Variants in STAU2 observed in about 807,000 individuals in gnomAD.
STAU2 encodes staufen double-stranded RNA binding protein 2, also known as double-stranded RNA-binding protein Staufen homolog 2.
In STAU2, 20 loss-of-function variants were observed where a neutral mutation model predicts 65.9. That is an observed-to-expected ratio of 0.30 (90% CI 0.21 to 0.44). STAU2 has a LOEUF of 0.44. Ranked by LOEUF, STAU2 falls within the 20% of genes least tolerant of loss-of-function variation. STAU2 has a pLI of 1.00. For missense variants in STAU2, 558 were observed against 683.9 expected, an observed-to-expected ratio of 0.82 and a Z score of 2.05; for synonymous variants, 232 against 233.9, an observed-to-expected ratio of 0.99 and a Z score of 0.07.
In STAU2 at chr8:73,613,954, A is replaced by G. The variant is rs764468649; in HGVS notation, c.681T>C (p.Val227=). The G allele has an allele frequency of 1.2e-6, 2 of 1,601,546 alleles. No homozygotes were observed. Among genetic ancestry groups the G allele is most frequent in the Admixed American group, 3.5e-5 (2 of 57,880 alleles). Reference sequence around the variant, plus strand: ...TATGTGGTGGTCCACTTTCTTTAATAACCTATTAAATACAAGTAAAATATT... The same window carrying G: ...TATGTGGTGGTCCACTTTCTTTAATGACCTATTAAATACAAGTAAAATATT... The part of the protein sequence containing the change: ...LKRNMPVSFE[V]IKESGPPHMK... Residue 227 remains valine (V), a splice_region_variant and synonymous_variant, in exon 9 of 15, where the codon GTT becomes GTC. Coordinates refer to ENST00000524300, the MANE Select transcript of STAU2 (RefSeq NM_001164380.2).
intron 3 of STAU2, among the ~76,000 whole-genome samples, chr8:73,735,420 T>A (rs1487900074): frequency 1.1e-4 from 17 of 152,206 alleles, no homozygotes; most frequent in Non-Finnish European, 2.9e-5. Flanking sequence ...GTCTCTTAAA[T>A]TGTTCTAGGA....
At chr8:73,715,656 C>T (rs1821203862) in intron 3 of STAU2, among the ~76,000 whole-genome samples, 2 of 151,842 alleles carry the variant, frequency 1.3e-5, no homozygotes, top group Admixed American at 1.3e-4. Flanking sequence ...TTCAATTGTA[C>T]CTATCTTTAA....
At chr8:73,621,725 T>C (rs990315113) in intron 6 of STAU2, among the ~76,000 whole-genome samples, 1 of 152,184 alleles carries the variant, frequency 6.6e-6, no homozygotes, top group East Asian at 1.9e-4. Flanking sequence ...TTATCTTCCA[T>C]GCTTGTTAAA....
intron 13 of STAU2, among the ~76,000 whole-genome samples, chr8:73,502,542 T>C (rs1196600082): frequency 2.6e-5 from 4 of 152,056 alleles, no homozygotes; most frequent in Non-Finnish European, 5.9e-5. Flanking sequence ...GCCTCCCCAC[T>C]CAGTGTCTGG....
At chr8:73,422,000 C>T (rs955087685) in intron 14 of STAU2, among the ~76,000 whole-genome samples, 4 of 151,416 alleles carry the variant, frequency 2.6e-5, no homozygotes, top group Non-Finnish European at 5.9e-5. Flanking sequence ...TGGAGAGACC[C>T]CAAATTCAGT....
At chr8:73,473,274 T>C (rs1404559238) in intron 13 of STAU2, among the ~76,000 whole-genome samples, 2 of 152,168 alleles carry the variant, frequency 1.3e-5, no homozygotes, top group Non-Finnish European at 2.9e-5. Context: ...ACGTGACCTC[T>C]GAAATACTCA....
chr8:73,686,527 T>A (rs1232424773), intron 5 of STAU2, among the ~76,000 whole-genome samples: 19 of 146,260 alleles, frequency 1.3e-4, no homozygotes, highest in Admixed American at 1.1e-3. Context: ...TCCAGCCTGG[T>A]GACAGAGCGA....
intron 13 of STAU2, among the ~76,000 whole-genome samples, chr8:73,512,222 C>A (rs145644454): frequency 6.6e-6 from 1 of 152,078 alleles, no homozygotes; most frequent in Non-Finnish European, 1.5e-5. Context: ...ACTGTTTTAG[C>A]GATTCTGGTC....
chr8:73,732,405 G>A (rs966829919), intron 3 of STAU2, among the ~76,000 whole-genome samples: 1 of 152,186 alleles, frequency 6.6e-6, no homozygotes, highest in African/African-American at 2.4e-5. Flanking sequence ...AATACAGTGT[G>A]TATGGGGATT....
chr8:73,608,356 C>T (rs925165257), intron 9 of STAU2, among the ~76,000 whole-genome samples: 14 of 152,132 alleles, frequency 9.2e-5, no homozygotes, highest in African/African-American at 3.4e-4. Flanking sequence ...TCCTGTAATC[C>T]CAGCACTTTG....
intron 6 of STAU2, among the ~76,000 whole-genome samples, chr8:73,667,691 T>C (rs1195343252): frequency 6.6e-6 from 1 of 152,178 alleles, no homozygotes; most frequent in South Asian, 2.1e-4. Flanking sequence ...TTAAGTCTAT[T>C]AGACTGCCTG....
At chr8:73,610,954 T>A (rs1487559285) in intron 9 of STAU2, among the ~76,000 whole-genome samples, 1 of 152,154 alleles carries the variant, frequency 6.6e-6, no homozygotes, top group African/African-American at 2.4e-5. Context: ...ATAGGTTTCT[T>A]AAATATAAAG....
chr8:73,542,097 A>C, intron 13 of STAU2, among the ~76,000 whole-genome samples: 1 of 152,146 alleles, frequency 6.6e-6, no homozygotes, highest in East Asian at 1.9e-4. Context: ...CAGTTCTAAG[A>C]AGCTAAATGT....
intron 12 of STAU2, among the ~76,000 whole-genome samples, chr8:73,556,589 C>T (rs1293060943): frequency 6.6e-6 from 1 of 152,132 alleles, no homozygotes; most frequent in Non-Finnish European, 1.5e-5. Context: ...AACCCCGTCT[C>T]TACTAAAAAT....
chr8:73,672,786 A>T (rs1817772606), intron 6 of STAU2, among the ~76,000 whole-genome samples: 1 of 152,104 alleles, frequency 6.6e-6, no homozygotes, highest in Non-Finnish European at 1.5e-5. Context: ...TGAGAAAGTC[A>T]ACACTATAAA....
intron 6 of STAU2, among the ~76,000 whole-genome samples, chr8:73,648,115 AAAGG>A (rs760518577): frequency 2.2e-4 from 33 of 152,332 alleles, no homozygotes; most frequent in Non-Finnish European, 3.2e-4. Flanking sequence ...AGATTTTTCA[AAAGG>A]AAGACAGAAT....
At chr8:73,501,574 T>G (rs1821754177) in intron 13 of STAU2, among the ~76,000 whole-genome samples, 1 of 151,976 alleles carries the variant, frequency 6.6e-6, no homozygotes, top group African/African-American at 2.4e-5. Context: ...TCTAAACCTC[T>G]AAAGGTAAAA....
At chr8:73,648,600 T>C (rs888340789) in intron 6 of STAU2, among the ~76,000 whole-genome samples, 1 of 152,178 alleles carries the variant, frequency 6.6e-6, no homozygotes, top group African/African-American at 2.4e-5. Flanking sequence ...GCAGGAACAA[T>C]TTCATGTATT....
intron 11 of STAU2, chr8:73,591,000 C>G (rs1422685203): frequency 6.6e-6 from 1 of 152,028 alleles, no homozygotes; most frequent in East Asian, 1.9e-4. Context: ...GCCTACAGAT[C>G]TGCTAAAATA....
Sources: gnomAD v4.1 joint callset for allele counts (sites outside exome capture counted in the v4.1 genomes callset) on GRCh38, gnomAD v4.1.1 for gene constraint, MANE v1.5 for transcripts, NCBI Gene and HGNC (gene_info 2026-07-23, HGNC 2026-07-21) for gene names.